NASP: variants seen among roughly 807,000 people sequenced by gnomAD.
NASP encodes nuclear autoantigenic sperm protein.
A neutral mutation model predicts 89.5 loss-of-function variants in NASP; 24 were observed. That is an observed-to-expected ratio of 0.27 (90% CI 0.19 to 0.38). NASP has a LOEUF of 0.38. Ranked by LOEUF, NASP falls within the 10% of genes least tolerant of loss-of-function variation. The pLI, the probability that NASP is intolerant of heterozygous loss-of-function variation, is 1.00. For missense variants in NASP, 848 were observed against 921.4 expected, an observed-to-expected ratio of 0.92 and a Z score of 1.03; for synonymous variants, 306 against 324.7, an observed-to-expected ratio of 0.94 and a Z score of 0.62.
chr1:45,596,523 G>T (rs1327795702), intron 2 of NASP, among the ~76,000 whole-genome samples: 2 of 152,190 alleles, frequency 1.3e-5, no homozygotes, highest in East Asian at 3.8e-4. Context: ...CATCCATGTT[G>T]TGGTGTGTCA....
Position 45,618,229 on chromosome 1 carries a change from A to T in NASP, c.*88A>T. On this transcript the variant is annotated 3_prime_UTR_variant, in exon 15 of 15. Coordinates refer to ENST00000350030, the MANE Select transcript of NASP (RefSeq NM_002482.4). ...TGGAGGATTCTTTTTGTATAACTTC[A>T]ATAAAGATTGTAAGCAAAGGTTGAG... 1 of 1,087,458 alleles carries T rather than the reference A, an allele frequency of 9.2e-7. No homozygotes were observed. The allele number at this position is 1,087,458 out of a possible 1,614,324, so 67.4% of individuals were successfully genotyped here. A position where few individuals can be genotyped will look rare whatever the true frequency, so the allele number is the denominator to read the frequency against.
rs2230659 is a variant in NASP at position 45,613,212 on chromosome 1, C to T, written c.1470C>T (p.Thr490=). The change falls in exon 7 of 15, where the codon ACC becomes ACT. Residue 490 remains threonine (T), a synonymous_variant. Coordinates refer to ENST00000350030, the MANE Select transcript of NASP (RefSeq NM_002482.4). ...SEEDDKENDK[T]EEMPNDSVLE... The stretch of plus-strand genomic sequence containing the variant: ...AGGATGATAAAGAAAATGATAAGAC[C>T]GAAGAAATGCCAAATGATTCAGTCC... The T allele has an allele frequency of 0.7, 1,126,853 of 1,602,108 alleles. 398,134 individuals carry two copies. Among genetic ancestry groups the T allele is most frequent in the African/African-American group, 0.76 (56,431 of 74,498 alleles).
chr1:45,614,941 T>TG, intron 9 of NASP, 72 bp from the exon 10 acceptor site: 2 of 1,293,996 alleles, frequency 1.5e-6, no homozygotes, highest in Non-Finnish European at 2.2e-6. Context: ...TCCCATAGGA[T>TG]GGGTCTGAAT....
At chr1:45,598,334 C>A (rs1218438723) in intron 2 of NASP, among the ~76,000 whole-genome samples, 1 of 152,152 alleles carries the variant, frequency 6.6e-6, no homozygotes, top group Non-Finnish European at 1.5e-5. Context: ...CCATGCCCGG[C>A]TAATTTTGTA....
intron 4 of NASP, 50 bp from the exon 5 acceptor site, chr1:45,606,432 T>A (rs761410863): frequency 1.5e-6 from 2 of 1,334,096 alleles, no homozygotes. Flanking sequence ...TTAGAAAAAA[T>A]TGCTAGGTTC....
At chr1:45,587,687 T>TATATATATATCA (rs66829841) in intron 1 of NASP, among the ~76,000 whole-genome samples, 1 of 78,200 alleles carries the variant, frequency 1.3e-5, no homozygotes, top group Non-Finnish European at 2.3e-5. Flanking sequence ...TATATATATA[T>TATATATATATCA]AATTAATTTT....
At chr1:45,606,631 T>C (rs757080905) in intron 5 of NASP, 40 bp downstream of exon 5, 1 of 1,390,040 alleles carries the variant, frequency 7.2e-7, no homozygotes, top group Non-Finnish European at 1.0e-6. Flanking sequence ...GATGCGACGT[T>C]GTATATTTCT....
chr1:45,594,745 C>G, intron 2 of NASP: 1 of 455,466 alleles, frequency 2.2e-6, no homozygotes, highest in Non-Finnish European at 4.4e-6. Context: ...ATCTTCTCAC[C>G]TCAGCCACCT....
chr1:45,592,857 A>G (rs1643586895), intron 2 of NASP: 1 of 152,148 alleles, frequency 6.6e-6, no homozygotes, highest in Non-Finnish European at 1.5e-5. Context: ...TATGTTTTTC[A>G]TGTTTGAAAT....
At chr1:45,615,636 C>G in intron 11 of NASP, 165 bp downstream of exon 11, 1 of 643,768 alleles carries the variant, frequency 1.6e-6, no homozygotes, top group East Asian at 2.9e-5. Flanking sequence ...CCCTGGAGCC[C>G]CAGACTATCT....
rs374917511 is a variant in NASP, at chr1:45,604,964, G to A, written c.247G>A (p.Glu83Lys). The change falls in exon 4 of 15, where the codon GAG (glutamate) becomes AAG (lysine). Residue 83 changes from glutamate (E) to lysine (K), a missense_variant. Coordinates refer to ENST00000350030, the MANE Select transcript of NASP (RefSeq NM_002482.4). ...LGKKYGETAN[E>K]CGEAFFFYGK... ...TAAGAAGTATGGAGAGACAGCTAATGAGTGTGGAGAAGCCTTCTTTTTCTA... is the reference window on the plus strand; with the variant it reads ...TAAGAAGTATGGAGAGACAGCTAATAAGTGTGGAGAAGCCTTCTTTTTCTA... 1 of 1,612,922 alleles carries A rather than the reference G, an allele frequency of 6.2e-7. No homozygotes were observed. Among genetic ancestry groups the A allele is most frequent in the Non-Finnish European group, 8.5e-7 (1 of 1,179,056 alleles).
chr1:45,602,289 G>T lies in NASP; in HGVS notation c.142G>T (p.Gly48Cys), dbSNP rs1382031878. The T allele has an allele frequency of 6.2e-7, 1 of 1,613,554 alleles. No homozygotes were observed. Among genetic ancestry groups the T allele is most frequent in the Non-Finnish European group, 8.5e-7 (1 of 1,179,766 alleles). ...DVDSEAKKLLGLGQKHLVMGD... is the reference protein window; with the variant it reads ...DVDSEAKKLLCLGQKHLVMGD... ...GGATAGTGAAGCTAAGAAACTATTGGGTTTAGGACAGAAACATCTGGTGAT... is the reference window on the plus strand; with the variant it reads ...GGATAGTGAAGCTAAGAAACTATTGTGTTTAGGACAGAAACATCTGGTGAT... The change falls in exon 3 of 15, where the codon GGT becomes TGT. Residue 48 changes from glycine (G) to cysteine (C), a missense_variant. Gly to Cys is a radical substitution (Grantham distance 159, BLOSUM62 -3). Around this residue, in one of 5 missense-constraint regions of NASP, gnomAD observed 89 missense variants for 79.2 expected, o/e 1.12. Coordinates refer to ENST00000350030, the MANE Select transcript of NASP (RefSeq NM_002482.4).
chr1:45,586,281 T>TGG (rs1344147644), intron 1 of NASP, among the ~76,000 whole-genome samples: 22 of 36,556 alleles, frequency 6.0e-4, no homozygotes, highest in Non-Finnish European at 2.9e-4. Flanking sequence ...TGTGTGTGTG[T>TGG]GTGGTGTGTG....
intron 1 of NASP, among the ~76,000 whole-genome samples, chr1:45,585,941 G>A (rs1644527322): frequency 6.6e-6 from 1 of 152,136 alleles, no homozygotes; most frequent in South Asian, 2.1e-4. Flanking sequence ...GCAGGGCCAG[G>A]TGTTTTTGTT....
chr1:45,603,905 A>G (rs1643880908), intron 3 of NASP, among the ~76,000 whole-genome samples: 2 of 152,184 alleles, frequency 1.3e-5, no homozygotes, highest in Admixed American at 6.5e-5. Flanking sequence ...CACTGTGCCC[A>G]GCTGTATTTA....
rs117990289 is a variant in NASP at position 45,585,159 on chromosome 1, T to C, written c.59+954T>C. ...CAGGCGTAATCTGTTTTTTGAACAG[T>C]GGAGGGAAACACTACACGAGTTCAA... On this transcript the variant is annotated intron_variant, in intron 1 of 14. Transcript: ENST00000350030. Among the ~76,000 whole-genome samples the C allele has an allele frequency of 1.1e-3, 168 of 152,276 alleles. 3 individuals are homozygous for C. In the East Asian group the frequency reaches 0.027, roughly 25 times the overall value.
rs780440653 is a variant in NASP, at chr1:45,617,582, G to T, written c.2277G>T (p.Met759Ile). Residue 759 changes from methionine to isoleucine, a missense_variant, in exon 14 of 15, where the codon ATG becomes ATT. Coordinates refer to ENST00000350030, the MANE Select transcript of NASP (RefSeq NM_002482.4). ...VPSGNEVSEN[M>I]EEEAENQAES... The stretch of plus-strand genomic sequence containing the variant: ...GTGGAAATGAAGTTTCGGAAAACAT[G>T]GAGGAGGAGGTGGGCAGTTAAGCAG... 1.3e-6 allele frequency: 2 copies of T among 1,591,084 alleles called. No homozygotes were observed. Among genetic ancestry groups the T allele is most frequent in the South Asian group, 1.1e-5 (1 of 87,088 alleles).
intron 1 of NASP, among the ~76,000 whole-genome samples, chr1:45,588,496 CCTT>C (rs1164325474): frequency 5.9e-5 from 9 of 152,134 alleles, no homozygotes; most frequent in African/African-American, 1.9e-4. Context: ...CTCAAACAGT[CCTT>C]CTGCCTTCCA....
chr1:45,615,131 G>A lies in NASP; in HGVS notation c.1785G>A (p.Gly595=), dbSNP rs755451674. The part of the protein sequence containing the change: ...ETHYQLGLAY[G]YNSQYDEAVA... ...ACTACCAGCTGGGCTTGGCTTATGGGTACAACTCTCAGTATGATGAGGCAG... is the reference window on the plus strand; with the variant it reads ...ACTACCAGCTGGGCTTGGCTTATGGATACAACTCTCAGTATGATGAGGCAG... The change falls in exon 10 of 15, where the codon GGG becomes GGA. Residue 595 remains glycine (G), a synonymous_variant. Transcript: ENST00000350030. 6.2e-7 allele frequency: 1 copy of A among 1,614,002 alleles called. No individual in the cohort carries two copies. Among genetic ancestry groups the A allele is most frequent in the Non-Finnish European group, 8.5e-7 (1 of 1,180,044 alleles).
Sources: allele counts gnomAD v4.1 joint callset (sites outside exome capture counted in the v4.1 genomes callset), GRCh38; gene constraint gnomAD v4.1.1; regional missense constraint gnomAD v4.1.1; transcripts MANE v1.5; gene names NCBI Gene and HGNC (gene_info 2026-07-23, HGNC 2026-07-21).